Variants in HSPA4 observed in about 807,000 individuals in gnomAD.
The protein encoded by HSPA4 is heat shock 70 kDa protein 4.
HSPA4 carries 25 observed loss-of-function variants against 106.2 expected under a neutral mutation model. That is an observed-to-expected ratio of 0.24 (90% CI 0.17 to 0.33). The LOEUF (loss-of-function observed/expected upper bound fraction) is 0.33. Ranked by LOEUF, HSPA4 falls within the 10% of genes least tolerant of loss-of-function variation. HSPA4 has a pLI of 1.00. For missense variants in HSPA4, 841 were observed against 996.0 expected, an observed-to-expected ratio of 0.84 and a Z score of 2.10; for synonymous variants, 332 against 333.6, an observed-to-expected ratio of 1.00 and a Z score of 0.05.
chr5:133,072,554 AGTGGTTT>A (rs1765397046), intron 4 of HSPA4, among the ~76,000 whole-genome samples: 1 of 150,012 alleles, frequency 6.7e-6, no homozygotes. Flanking sequence ...ACACCCAGCT[AGTGGTTT>A]ATTTTTTTTT....
At chr5:133,073,962 A>C in intron 5 of HSPA4, 31 bp from the exon 6 acceptor site, 1 of 1,497,096 alleles carries the variant, frequency 6.7e-7, no homozygotes. Context: ...CTTAGACGTT[A>C]TTTTTAATTT....
chr5:133,062,064 A>G (rs1166592857), intron 1 of HSPA4, among the ~76,000 whole-genome samples: 1 of 152,216 alleles, frequency 6.6e-6, no homozygotes, highest in African/African-American at 2.4e-5. Flanking sequence ...CAAAGCAGGA[A>G]GATTGGGATA....
At chr5:133,053,328 C>CTT (rs58722769) in intron 1 of HSPA4, among the ~76,000 whole-genome samples, 1,593 of 129,196 alleles carry the variant, frequency 0.012, 84 homozygotes, top group African/African-American at 0.038. Context: ...GGTCTCTCTT[C>CTT]TTTTTTTTTT....
intron 12 of HSPA4, among the ~76,000 whole-genome samples, chr5:133,092,019 A>G (rs1765653531): frequency 6.6e-6 from 1 of 152,190 alleles, no homozygotes; most frequent in African/African-American, 2.4e-5. Context: ...ACTGCACTCT[A>G]GCCTATGTGT....
rs76654791 is a variant in HSPA4 at position 133,079,233 on chromosome 5, G to A, written c.908+2335G>A. On this transcript the variant is annotated intron_variant, in intron 7 of 18. Coordinates refer to ENST00000304858, the MANE Select transcript of HSPA4 (RefSeq NM_002154.4). ...AGGGTTGTGCAATGGCCACCTCTATGTAATGGAAAAACATTTTCATCACCC... is the reference window on the plus strand; with the variant it reads ...AGGGTTGTGCAATGGCCACCTCTATATAATGGAAAAACATTTTCATCACCC... 7.4e-3 allele frequency among the ~76,000 whole-genome samples: 1,125 copies of A among 152,278 alleles called. 13 individuals carry two copies. Among genetic ancestry groups the A allele is most frequent in the African/African-American group, 0.025 (1,059 of 41,568 alleles).
chr5:133,087,618 TTTTTA>T (rs893699613), intron 8 of HSPA4, among the ~76,000 whole-genome samples: 4 of 152,156 alleles, frequency 2.6e-5, no homozygotes, highest in African/African-American at 9.7e-5. Context: ...TGTAGTTTAT[TTTTTA>T]TTTTATTTTT....
intron 4 of HSPA4, among the ~76,000 whole-genome samples, chr5:133,072,855 T>G (rs1049730362): frequency 2.0e-5 from 3 of 152,188 alleles, no homozygotes; most frequent in Admixed American, 2.0e-4. Context: ...TCTTAATCAT[T>G]TAGGGAAATT....
intron 2 of HSPA4, among the ~76,000 whole-genome samples, chr5:133,066,193 C>A (rs546133893): frequency 1.3e-5 from 2 of 152,120 alleles, no homozygotes; most frequent in Non-Finnish European, 2.9e-5. Flanking sequence ...TAGGTTGATA[C>A]AGTTATTGTG....
chr5:133,091,556 TATAGAA>T (rs1765647665), intron 12 of HSPA4, among the ~76,000 whole-genome samples, 182 bp downstream of exon 12: 4 of 152,188 alleles, frequency 2.6e-5, no homozygotes. Flanking sequence ...GCAGAATTTG[TATAGAA>T]GTGGAACACA....
intron 7 of HSPA4, among the ~76,000 whole-genome samples, chr5:133,079,092 G>A (rs1765483561): frequency 6.6e-6 from 1 of 152,104 alleles, no homozygotes; most frequent in Admixed American, 6.6e-5. Context: ...CAGATTATTT[G>A]ACATTATATT....
chr5:133,095,049 C>T (rs939330671), intron 13 of HSPA4, among the ~76,000 whole-genome samples: 2 of 152,306 alleles, frequency 1.3e-5, no homozygotes, highest in South Asian at 2.1e-4. Flanking sequence ...CTGTGGCTCA[C>T]ACCTGTAATC....
At chr5:133,099,812 T>C (rs1021912181) in intron 16 of HSPA4, among the ~76,000 whole-genome samples, 160 bp downstream of exon 16, 1 of 152,188 alleles carries the variant, frequency 6.6e-6, no homozygotes, top group East Asian at 1.9e-4. Context: ...CATTCTCACT[T>C]TTAGAACCTT....
rs557401953 is a variant in HSPA4, at chr5:133,067,468, C to A, written c.217C>A (p.Arg73=). 28 of 1,613,382 alleles carry A rather than the reference C, an allele frequency of 1.7e-5. No individual in the cohort carries two copies. The South Asian group carries it at 2.9e-4, about 16-fold the overall frequency. The change falls in exon 3 of 19, where the codon CGA becomes AGA. Residue 73 remains arginine (R), a synonymous_variant. Coordinates refer to ENST00000304858, the MANE Select transcript of HSPA4 (RefSeq NM_002154.4). ...TVQGFKRFHG[R]AFSDPFVEAE... is the part of the protein sequence containing the mutation. ...CCAAGGATTTAAAAGATTCCATGGC[C>A]GAGCATTCTCTGATCCATTTGTGGA...
At chr5:133,060,325 T>G (rs1463999861) in intron 1 of HSPA4, among the ~76,000 whole-genome samples, 1 of 152,176 alleles carries the variant, frequency 6.6e-6, no homozygotes, top group Non-Finnish European at 1.5e-5. Flanking sequence ...GGTTTCTTTA[T>G]GTAAGCCTTT....
At position 133,073,329 on chromosome 5, in the gene HSPA4, G is replaced by C; in HGVS notation, c.529G>C (p.Val177Leu). The change falls in exon 5 of 19, where the codon GTT becomes CTT. Residue 177 changes from valine to leucine, a missense_variant and splice_region_variant. Val to Leu is a conservative substitution (Grantham distance 32). This residue lies in a region of HSPA4 where 347 missense variants were observed against 408.7 expected (regional missense o/e 0.85). Coordinates refer to ENST00000304858, the MANE Select transcript of HSPA4 (RefSeq NM_002154.4). ...GCGATTAATGAATGAAACCACTGCA[G>C]GTAAGGAGGACCGTTGATTATTTTT... is the stretch of plus-strand genomic sequence containing the variant. The part of the protein sequence containing the change: ...CLRLMNETTA[V>L]ALAYGIYKQD... The C allele has an allele frequency of 6.3e-7, 1 of 1,575,122 alleles. No homozygotes were observed. The highest frequency in any genetic ancestry group is 1.4e-5 in the African/African-American group (1 of 74,052).
At chr5:133,086,708 T>C (rs765151183) in intron 7 of HSPA4, 74 bp from the exon 8 acceptor site, 51 of 1,006,142 alleles carry the variant, frequency 5.1e-5, no homozygotes, top group Non-Finnish European at 7.7e-5. Flanking sequence ...TTTTTTATTA[T>C]AGCCATCCAT....
At chr5:133,099,013 TA>T (rs1324548078) in intron 15 of HSPA4, among the ~76,000 whole-genome samples, 1 of 152,122 alleles carries the variant, frequency 6.6e-6, no homozygotes. Flanking sequence ...TTTTTTAACT[TA>T]CCGAAAGCCC....
intron 4 of HSPA4, among the ~76,000 whole-genome samples, chr5:133,070,835 G>A (rs955715255): frequency 3.3e-5 from 5 of 152,304 alleles, no homozygotes; most frequent in African/African-American, 1.2e-4. Flanking sequence ...CCGGGAGGCT[G>A]AGGTTGCGGT....
intron 2 of HSPA4, among the ~76,000 whole-genome samples, chr5:133,066,410 C>A (rs979172587): frequency 6.6e-6 from 1 of 152,138 alleles, no homozygotes; most frequent in African/African-American, 2.4e-5. Flanking sequence ...ATTTTCCCCT[C>A]ATAAATTGTG....
Sources: gnomAD v4.1 joint callset for allele counts (sites outside exome capture counted in the v4.1 genomes callset) on GRCh38, gnomAD v4.1.1 for gene constraint, gnomAD v4.1.1 regional missense constraint, MANE v1.5 for transcripts, NCBI Gene and HGNC (gene_info 2026-07-23, HGNC 2026-07-21) for gene names.